Variants in SLC4A4 observed in about 807,000 individuals in gnomAD.
SLC4A4 encodes the protein electrogenic sodium bicarbonate cotransporter 1.
Under a neutral mutation model 111.5 loss-of-function variants are expected in SLC4A4, and 27 were observed. The ratio of observed to expected loss-of-function variants is 0.24; its 90% CI spans 0.18 to 0.33. The LOEUF is 0.33. SLC4A4 is among the 10% of genes least tolerant of loss of function. The probability of loss-of-function intolerance (pLI) is 1.00; values close to 1 mark genes in which losing one functional copy is unlikely to be tolerated. For synonymous variants in SLC4A4, 443 were observed against 463.4 expected, an observed-to-expected ratio of 0.96 and a Z score of 0.57; for missense variants, 909 against 1,315.5, an observed-to-expected ratio of 0.69 and a Z score of 4.78.
intron 1 of SLC4A4, among the ~76,000 whole-genome samples, chr4:71,063,073 G>A (rs919781946): frequency 6.6e-6 from 1 of 152,148 alleles, no homozygotes; most frequent in Admixed American, 6.6e-5. Context: ...AGAACACACA[G>A]AAGCAATCCT....
intron 1 of SLC4A4, among the ~76,000 whole-genome samples, chr4:71,196,139 A>G (rs1745989599): frequency 6.6e-6 from 1 of 152,194 alleles, no homozygotes; most frequent in Non-Finnish European, 1.5e-5. Context: ...TGCTTCACAA[A>G]TTCCTTCAAT....
chr4:71,455,901 C>T (rs1482402845), intron 12 of SLC4A4, among the ~76,000 whole-genome samples: 1 of 152,128 alleles, frequency 6.6e-6, no homozygotes, highest in African/African-American at 2.4e-5. Flanking sequence ...AAGTAGAGCA[C>T]TCTATTATGT....
At chr4:71,499,346 A>G (rs1039963919) in intron 16 of SLC4A4, among the ~76,000 whole-genome samples, 8 of 152,158 alleles carry the variant, frequency 5.3e-5, no homozygotes, top group African/African-American at 1.9e-4. Context: ...TGTAAACTAT[A>G]TATTTCTGGA....
chr4:71,227,610 C>A (rs1182635356), intron 1 of SLC4A4, among the ~76,000 whole-genome samples: 1 of 152,156 alleles, frequency 6.6e-6, no homozygotes, highest in Non-Finnish European at 1.5e-5. Flanking sequence ...CCCTTCTTCC[C>A]TTTGCTCTTC....
At chr4:71,326,908 A>G (rs1727546976) in intron 3 of SLC4A4, among the ~76,000 whole-genome samples, 3 of 152,104 alleles carry the variant, frequency 2.0e-5, no homozygotes, top group African/African-American at 4.8e-5. Flanking sequence ...ACTTAAAATG[A>G]TAACTATGTA....
intron 2 of SLC4A4, among the ~76,000 whole-genome samples, chr4:71,173,045 C>T (rs1303263156): frequency 6.6e-6 from 1 of 152,142 alleles, no homozygotes; most frequent in Admixed American, 6.5e-5. Context: ...TAATGACTTT[C>T]AAAACTATAT....
At chr4:71,084,307 C>T (rs1742083365) in intron 1 of SLC4A4, among the ~76,000 whole-genome samples, 1 of 151,978 alleles carries the variant, frequency 6.6e-6, no homozygotes, top group South Asian at 2.1e-4. Flanking sequence ...TTTAAATGGT[C>T]TTTTCATATG....
chr4:71,232,332 C>T (rs977323427), intron 1 of SLC4A4, among the ~76,000 whole-genome samples: 4 of 152,186 alleles, frequency 2.6e-5, no homozygotes, highest in Non-Finnish European at 5.9e-5. Flanking sequence ...ATGGTTTTCT[C>T]AGCCTAGGAA....
chr4:71,274,810 C>A (rs1464047448), intron 3 of SLC4A4, among the ~76,000 whole-genome samples: 4 of 152,092 alleles, frequency 2.6e-5, no homozygotes, highest in Non-Finnish European at 2.9e-5. Context: ...ACATTTCCTA[C>A]CAGCTCTCAT....
At chr4:71,171,617 C>T (rs1014214634) in intron 2 of SLC4A4, among the ~76,000 whole-genome samples, 7 of 152,144 alleles carry the variant, frequency 4.6e-5, no homozygotes, top group Admixed American at 1.3e-4. Flanking sequence ...TTTAGTATTA[C>T]GTGCGGTGAC....
intron 3 of SLC4A4, among the ~76,000 whole-genome samples, chr4:71,289,841 A>G (rs916560129): frequency 6.6e-6 from 1 of 152,238 alleles, no homozygotes; most frequent in Non-Finnish European, 1.5e-5. Flanking sequence ...ATGGCCGTGG[A>G]TAATTTGGGA....
chr4:71,441,834 T>A (rs1189961561), intron 8 of SLC4A4, among the ~76,000 whole-genome samples: 1 of 152,230 alleles, frequency 6.6e-6, no homozygotes, highest in South Asian at 2.1e-4. Flanking sequence ...GAATGATACA[T>A]AGGGCTGTTA....
Position 71,174,775 on chromosome 4 carries a change from T to C in SLC4A4, c.-1-61801T>C, listed in dbSNP as rs138212483. The stretch of plus-strand genomic sequence containing the variant: ...TATTTGTTTTTGAGACAGGGTCTTG[T>C]TGTTTTGCCCAGGCTGGAGTGCAGT... On this transcript the variant is annotated intron_variant, in intron 2 of 26. Coordinates refer to the SLC4A4 transcript ENST00000649996. Among the ~76,000 whole-genome samples, 442 of 152,304 alleles carry C rather than the reference T, an allele frequency of 2.9e-3. 4 individuals are homozygous for C. The highest frequency in any genetic ancestry group is 8.9e-3 in the South Asian group (43 of 4,828).
intron 3 of SLC4A4, among the ~76,000 whole-genome samples, chr4:71,296,738 T>C (rs767829392): frequency 6.6e-6 from 1 of 152,222 alleles, no homozygotes; most frequent in Non-Finnish European, 1.5e-5. Flanking sequence ...CAAATAATTC[T>C]TCACTTATTA....
At chr4:71,270,725 A>T (rs998329546) in intron 3 of SLC4A4, among the ~76,000 whole-genome samples, 2 of 152,188 alleles carry the variant, frequency 1.3e-5, no homozygotes, top group Non-Finnish European at 2.9e-5. Context: ...CACTGTCCTT[A>T]GTAGGGGATT....
intron 12 of SLC4A4, among the ~76,000 whole-genome samples, chr4:71,462,357 T>G (rs1240989237): frequency 6.6e-6 from 1 of 151,766 alleles, no homozygotes; most frequent in Admixed American, 6.6e-5. Flanking sequence ...CAAGACATGC[T>G]CTTTGTGCTG....
At chr4:71,355,588 C>A (rs1730214046) in intron 5 of SLC4A4, among the ~76,000 whole-genome samples, 1 of 152,310 alleles carries the variant, frequency 6.6e-6, no homozygotes, top group East Asian at 1.9e-4. Context: ...AGTTATGGCA[C>A]CTCTGTGAGG....
chr4:71,327,363 A>G (rs915588518), intron 3 of SLC4A4, among the ~76,000 whole-genome samples: 1 of 152,044 alleles, frequency 6.6e-6, no homozygotes, highest in African/African-American at 2.4e-5. Context: ...CTTTTAAAAA[A>G]TGAGATTAAC....
At chr4:71,560,416 C>CTGTT (rs1736871145) in intron 23 of SLC4A4, among the ~76,000 whole-genome samples, 162 bp downstream of exon 23, 1 of 151,314 alleles carries the variant, frequency 6.6e-6, no homozygotes, top group Admixed American at 6.6e-5. Flanking sequence ...TTTATATTCT[C>CTGTT]TGGTTTTTTA....
Sources: gnomAD v4.1 joint callset for allele counts (sites outside exome capture counted in the v4.1 genomes callset) on GRCh38, gnomAD v4.1.1 for gene constraint, MANE v1.5 for transcripts, NCBI Gene and HGNC (gene_info 2026-07-23, HGNC 2026-07-21) for gene names.